CSMD3: variants seen among roughly 807,000 people sequenced by gnomAD.
CSMD3 encodes the protein CUB and sushi domain-containing protein 3.
In CSMD3, 177 loss-of-function variants were observed where a neutral mutation model predicts 435.2. The observed-to-expected ratio is 0.41, with a 90% confidence interval of 0.36 to 0.46. CSMD3 has a LOEUF of 0.46. Ranked by LOEUF, CSMD3 falls within the 20% of genes least tolerant of loss-of-function variation. The pLI, the probability that CSMD3 is intolerant of heterozygous loss-of-function variation, is 0.34. For synonymous variants in CSMD3, 1,656 were observed against 1,520.5 expected, an observed-to-expected ratio of 1.09 and a Z score of -2.07; for missense variants, 4,265 against 4,504.6, an observed-to-expected ratio of 0.95 and a Z score of 1.52.
At chr8:112,373,024 T>TA (rs199523764) in intron 38 of CSMD3, among the ~76,000 whole-genome samples, 1,018 of 82,756 alleles carry the variant, frequency 0.012, 6 homozygotes, top group Non-Finnish European at 0.018. Context: ...ATATATATAT[T>TA]TTTTTTCTCA....
chr8:112,238,028 A>G (rs1204331763), intron 66 of CSMD3, among the ~76,000 whole-genome samples: 1 of 152,222 alleles, frequency 6.6e-6, no homozygotes, highest in East Asian at 1.9e-4. Flanking sequence ...TAAAGAAAAA[A>G]CACTATTTTA....
intron 27 of CSMD3, among the ~76,000 whole-genome samples, chr8:112,524,019 T>C (rs1410401940): frequency 6.6e-6 from 1 of 152,100 alleles, no homozygotes; most frequent in Non-Finnish European, 1.5e-5. Flanking sequence ...TTTTTAAAAA[T>C]GCATATGCAT....
intron 13 of CSMD3, among the ~76,000 whole-genome samples, chr8:112,751,628 GTT>G (rs1268656186): frequency 7.5e-6 from 1 of 133,668 alleles, no homozygotes; most frequent in Non-Finnish European, 1.6e-5. Flanking sequence ...AGAAGTTTAG[GTT>G]TTTTTTTTTT....
intron 23 of CSMD3, 115 bp from the exon 24 acceptor site, chr8:112,573,772 A>G (rs1829722831): frequency 2.5e-6 from 2 of 793,076 alleles, no homozygotes; most frequent in Non-Finnish European, 2.0e-6. Flanking sequence ...AGATCAGTAC[A>G]TTTCCAAAGG....
intron 3 of CSMD3, among the ~76,000 whole-genome samples, chr8:113,201,158 T>C (rs903898262): frequency 2.0e-5 from 3 of 151,122 alleles, no homozygotes; most frequent in African/African-American, 7.2e-5. Flanking sequence ...GTCATAGCTC[T>C]GCTAAAAGGA....
chr8:113,268,901 G>A (rs905999551), intron 3 of CSMD3, among the ~76,000 whole-genome samples: 20 of 151,916 alleles, frequency 1.3e-4, no homozygotes, highest in Non-Finnish European at 2.8e-4. Flanking sequence ...TATTTTATAC[G>A]TGATATTATA....
intron 13 of CSMD3, among the ~76,000 whole-genome samples, chr8:112,717,754 C>T (rs2076765802): frequency 6.6e-6 from 1 of 152,132 alleles, no homozygotes; most frequent in Admixed American, 6.6e-5. Context: ...GAGATCATGT[C>T]CTTTGCAGGC....
chr8:112,886,577 G>A (rs1393748432), intron 10 of CSMD3, among the ~76,000 whole-genome samples: 1 of 150,904 alleles, frequency 6.6e-6, no homozygotes, highest in African/African-American at 2.4e-5. Context: ...TAGTGAGGGT[G>A]TACTACATAC....
chr8:113,306,179 CAT>C (rs750783409), intron 2 of CSMD3, among the ~76,000 whole-genome samples: 19 of 152,068 alleles, frequency 1.2e-4, no homozygotes, highest in South Asian at 4.2e-4. Flanking sequence ...GTTAATATCA[CAT>C]ATGTCATTTC....
intron 4 of CSMD3, among the ~76,000 whole-genome samples, chr8:113,138,789 G>A (rs568954383): frequency 4.8e-5 from 7 of 145,970 alleles, no homozygotes; most frequent in South Asian, 2.2e-4. Context: ...TGTTAAAGTC[G>A]TTCTCAGAAC....
At chr8:112,594,135 C>A (rs983142586) in intron 22 of CSMD3, among the ~76,000 whole-genome samples, 1 of 152,122 alleles carries the variant, frequency 6.6e-6, no homozygotes, top group Non-Finnish European at 1.5e-5. Flanking sequence ...GAGTGCCAGA[C>A]AGTGGGCACA....
At chr8:112,342,975 A>ATATATATATTTATATATATATATT (rs1825280452) in intron 41 of CSMD3, among the ~76,000 whole-genome samples, 1 of 70,248 alleles carries the variant, frequency 1.4e-5, no homozygotes, top group African/African-American at 4.4e-5. Context: ...AATGTATTAT[A>ATATATATATTTATATATATATATT]TATATATATA....
chr8:113,318,861 A>C (rs2132695184), intron 1 of CSMD3, among the ~76,000 whole-genome samples: 1 of 151,082 alleles, frequency 6.6e-6, no homozygotes, highest in South Asian at 2.1e-4. Flanking sequence ...AAAGGGATCT[A>C]TATCCCCTTT....
intron 32 of CSMD3, among the ~76,000 whole-genome samples, chr8:112,470,214 A>G (rs537293568): frequency 1.3e-4 from 20 of 152,324 alleles, no homozygotes; most frequent in African/African-American, 4.6e-4. Flanking sequence ...CTTTAACTAA[A>G]TAACACAAAT....
At chr8:112,691,833 C>A (rs934662951) in intron 13 of CSMD3, among the ~76,000 whole-genome samples, 2 of 152,012 alleles carry the variant, frequency 1.3e-5, no homozygotes, top group Admixed American at 6.6e-5. Flanking sequence ...GAGTCTCTTA[C>A]TCTGTCACCC....
chr8:112,281,055 C>T (rs1404034493), intron 59 of CSMD3, 119 bp downstream of exon 59: 3 of 739,848 alleles, frequency 4.1e-6, no homozygotes, highest in Non-Finnish European at 6.7e-6. Flanking sequence ...ATCTGAAAGG[C>T]AGTACAAACA....
intron 6 of CSMD3, among the ~76,000 whole-genome samples, chr8:113,003,560 T>G (rs1400951664): frequency 1.3e-5 from 2 of 152,068 alleles, no homozygotes; most frequent in African/African-American, 4.8e-5. Context: ...GTACCAATAT[T>G]TTATGGTTTA....
At chr8:113,034,906 T>A (rs1447510862) in intron 5 of CSMD3, among the ~76,000 whole-genome samples, 1 of 152,082 alleles carries the variant, frequency 6.6e-6, no homozygotes, top group East Asian at 1.9e-4. Context: ...TATTCATGTA[T>A]ATTAACATGA....
intron 12 of CSMD3, among the ~76,000 whole-genome samples, chr8:112,823,954 C>A (rs1159663112): frequency 1.3e-5 from 2 of 152,076 alleles, no homozygotes. Flanking sequence ...GTGTGGGAGA[C>A]TAAGTCTCTT....
Sources: gnomAD v4.1 joint callset for allele counts (sites outside exome capture counted in the v4.1 genomes callset) on GRCh38, gnomAD v4.1.1 for gene constraint, MANE v1.5 for transcripts, NCBI Gene and HGNC (gene_info 2026-07-23, HGNC 2026-07-21) for gene names.